The following MTHFS variants were observed in gnomAD, a reference collection of about 807,000 sequenced individuals.
The protein encoded by MTHFS is methenyltetrahydrofolate synthetase, also known as 5-formyltetrahydrofolate cyclo-ligase.
MTHFS carries 7 observed loss-of-function variants against 12.7 expected under a neutral mutation model. That is an observed-to-expected ratio of 0.55 (90% CI 0.31 to 1.03). MTHFS has a LOEUF of 1.03. Ranked by LOEUF, MTHFS falls within the 50% of genes least tolerant of loss-of-function variation. The pLI is 0.05. For missense variants in MTHFS, 252 were observed against 258.1 expected (o/e 0.98, Z 0.16); for synonymous variants, 100 against 97.1 (o/e 1.03, Z -0.18).
intron 2 of MTHFS, among the ~76,000 whole-genome samples, chr15:79,869,357 T>C (rs1158112361): frequency 6.6e-6 from 1 of 152,162 alleles, no homozygotes; most frequent in Non-Finnish European, 1.5e-5. Flanking sequence ...CAATGATATT[T>C]GAGAATATGC....
At chr15:79,865,872 A>C (rs1289490555) in intron 2 of MTHFS, among the ~76,000 whole-genome samples, 1 of 152,176 alleles carries the variant, frequency 6.6e-6, no homozygotes, top group Non-Finnish European at 1.5e-5. Flanking sequence ...CATCTTTCTC[A>C]AGCAAAACAA....
At chr15:79,890,138 A>G (rs1428577741) in intron 1 of MTHFS, among the ~76,000 whole-genome samples, 1 of 151,870 alleles carries the variant, frequency 6.6e-6, no homozygotes, top group Non-Finnish European at 1.5e-5. Flanking sequence ...AGCTTTGCTC[A>G]TCATAGAAAT....
Position 79,871,801 on chromosome 15 carries a change from A to G in MTHFS, c.379+17292T>C, listed in dbSNP as rs537503670. On this transcript the variant is annotated intron_variant, in intron 2 of 2. Coordinates refer to ENST00000258874, the MANE Select transcript of MTHFS (RefSeq NM_006441.4). Reference sequence around the variant, plus strand: ...AAATTAAATGCTGACTTCAAATGCTATTAAAATTAAAATTTTTTACATAGG... The same window carrying G: ...AAATTAAATGCTGACTTCAAATGCTGTTAAAATTAAAATTTTTTACATAGG... Among the ~76,000 whole-genome samples, 19 of 152,278 alleles carry G rather than the reference A, an allele frequency of 1.2e-4. No individual in the cohort carries two copies. The East Asian group carries it at 3.7e-3, about 29-fold the overall frequency.
intron 1 of MTHFS, among the ~76,000 whole-genome samples, chr15:79,889,715 G>A (rs916882953): frequency 6.6e-6 from 1 of 152,094 alleles, no homozygotes; most frequent in South Asian, 2.1e-4. Context: ...TTTTCCTAGA[G>A]TATGCTTTAT....
At chr15:79,897,023 C>A, upstream of MTHFS, 5 of 1,491,022 alleles carry the variant, frequency 3.4e-6, no homozygotes, top group Non-Finnish European at 4.4e-6. Flanking sequence ...CCGCCCTCGG[C>A]GCCCTGGGCG....
chr15:79,864,330 A>AG (rs1440242300), intron 2 of MTHFS, among the ~76,000 whole-genome samples: 1 of 152,040 alleles, frequency 6.6e-6, no homozygotes, highest in Non-Finnish European at 1.5e-5. Context: ...GAAATACCAG[A>AG]GGTCAGGAAT....
chr15:79,893,010 T>C (rs2034501223), intron 1 of MTHFS, among the ~76,000 whole-genome samples: 1 of 152,170 alleles, frequency 6.6e-6, no homozygotes, highest in Admixed American at 6.5e-5. Flanking sequence ...TTTTTGTAAA[T>C]ACTGTTTACT....
chr15:79,873,697 C>T (rs1325817445), intron 2 of MTHFS, among the ~76,000 whole-genome samples: 1 of 152,184 alleles, frequency 6.6e-6, no homozygotes, highest in African/African-American at 2.4e-5. Flanking sequence ...CAGCTCAGTC[C>T]TCAAGAATGG....
At position 79,881,938 on chromosome 15, in the gene MTHFS, G is replaced by A. The variant is rs751907465; in HGVS notation, c.379+7155C>T. On this transcript the variant is annotated intron_variant, in intron 2 of 2. Transcript: ENST00000258874. Reference sequence around the variant, plus strand: ...AAAGAAGATGAAGCAAGGACAGTAAGGGTTCACTCTCCCTCCCACAGTGCC... The same window carrying A: ...AAAGAAGATGAAGCAAGGACAGTAAAGGTTCACTCTCCCTCCCACAGTGCC... Among the ~76,000 whole-genome samples the A allele has an allele frequency of 4.3e-4, 65 of 152,330 alleles. No homozygotes were observed. In the Middle Eastern group the frequency reaches 0.01, roughly 24 times the overall value.
At chr15:79,867,755 G>A (rs919127606) in intron 2 of MTHFS, among the ~76,000 whole-genome samples, 2 of 152,082 alleles carry the variant, frequency 1.3e-5, no homozygotes, top group Admixed American at 6.6e-5. Flanking sequence ...TTTCTATCAG[G>A]AATCTAAAAA....
chr15:79,889,383 T>G, intron 1 of MTHFS, 29 bp from the exon 2 acceptor site: 1 of 1,597,820 alleles, frequency 6.3e-7, no homozygotes, highest in South Asian at 1.1e-5. Flanking sequence ...CAATTATATT[T>G]TCCAAGACTA....
At chr15:79,863,172 C>T (rs1461571553) in intron 2 of MTHFS, among the ~76,000 whole-genome samples, 1 of 152,200 alleles carries the variant, frequency 6.6e-6, no homozygotes, top group Non-Finnish European at 1.5e-5. Context: ...TATGTCAGAA[C>T]TTGTTCTATC....
At chr15:79,895,448 G>A (rs923102625) in intron 1 of MTHFS, among the ~76,000 whole-genome samples, 1 of 151,998 alleles carries the variant, frequency 6.6e-6, no homozygotes, top group Non-Finnish European at 1.5e-5. Context: ...CCTCTTCTAG[G>A]CTCTCTGCTC....
intron 2 of MTHFS, among the ~76,000 whole-genome samples, chr15:79,871,747 T>C (rs928376395): frequency 2.6e-5 from 4 of 152,058 alleles, no homozygotes; most frequent in Admixed American, 6.5e-5. Flanking sequence ...AGTGACAATT[T>C]GAAATGCTTA....
At chr15:79,862,762 T>C (rs1378892930) in intron 2 of MTHFS, among the ~76,000 whole-genome samples, 1 of 152,228 alleles carries the variant, frequency 6.6e-6, no homozygotes, top group Non-Finnish European at 1.5e-5. Context: ...TTATAAATTA[T>C]ACTAGGCTAC....
intron 2 of MTHFS, among the ~76,000 whole-genome samples, chr15:79,854,650 C>T (rs555304753): frequency 7.2e-5 from 11 of 152,266 alleles, no homozygotes; most frequent in African/African-American, 2.6e-4. Context: ...AAGAACAAAG[C>T]TATTTTCCTT....
intron 2 of MTHFS, among the ~76,000 whole-genome samples, chr15:79,861,175 T>G (rs1566990034): frequency 6.6e-6 from 1 of 152,222 alleles, no homozygotes; most frequent in Non-Finnish European, 1.5e-5. Flanking sequence ...TACCCTCATT[T>G]TCAAATGATC....
chr15:79,845,722 A>C (rs1225056519), intron 2 of MTHFS, among the ~76,000 whole-genome samples: 1 of 152,168 alleles, frequency 6.6e-6, no homozygotes, highest in East Asian at 1.9e-4. Flanking sequence ...AATACAGAGA[A>C]TCTCCAGAGA....
In MTHFS at chr15:79,845,231, G is replaced by A. The variant is rs200978316; in HGVS notation, c.591C>T (p.Tyr197=). Residue 197 remains tyrosine, a synonymous_variant, in exon 3 of 3, where the codon TAC becomes TAT. Transcript: ENST00000258874. ...ENDMKVDEVL[Y]EDSSTA ...AGATTTAAGCTGTTGACGAGTCTTC[G>A]TAAAGGACTTCATCTACCTTCATGT... 33 of 1,614,126 alleles carry A rather than the reference G, an allele frequency of 2.0e-5. No homozygotes were observed. Among genetic ancestry groups the A allele is most frequent in the East Asian group, 1.3e-4 (6 of 44,884 alleles).
Sources: gnomAD v4.1 joint callset for allele counts (sites outside exome capture counted in the v4.1 genomes callset) on GRCh38, gnomAD v4.1.1 for gene constraint, MANE v1.5 for transcripts, NCBI Gene and HGNC (gene_info 2026-07-23, HGNC 2026-07-21) for gene names.